L3MBTL4: variants seen among roughly 807,000 people sequenced by gnomAD.
L3MBTL4 encodes the protein lethal(3)malignant brain tumor-like protein 4.
L3MBTL4 carries 70 observed loss-of-function variants against 84.5 expected under a neutral mutation model. That is an observed-to-expected ratio of 0.83 (90% confidence interval 0.68 to 1.01). L3MBTL4 has a LOEUF of 1.01. L3MBTL4 is among the 50% of genes least tolerant of loss of function. The probability of loss-of-function intolerance (pLI) is 0.00; values close to 1 mark genes in which losing one functional copy is unlikely to be tolerated. For synonymous variants in L3MBTL4, 274 were observed against 259.8 expected (o/e 1.05, Z -0.52); for missense variants, 715 against 754.8 (o/e 0.95, Z 0.62).
At chr18:6,018,219 G>A (rs990646581) in intron 16 of L3MBTL4, among the ~76,000 whole-genome samples, 11 of 152,222 alleles carry the variant, frequency 7.2e-5, no homozygotes, top group Admixed American at 3.9e-4. Flanking sequence ...CTGGAAAGTC[G>A]AACCGAGGCT....
intron 13 of L3MBTL4, among the ~76,000 whole-genome samples, chr18:6,150,569 A>T (rs1012505788): frequency 7.2e-5 from 11 of 152,306 alleles, no homozygotes; most frequent in Admixed American, 7.2e-4. Flanking sequence ...AACTTGGCAG[A>T]ACTGCCAAGT....
chr18:6,159,312 A>G (rs2043224872), intron 13 of L3MBTL4, among the ~76,000 whole-genome samples: 1 of 152,186 alleles, frequency 6.6e-6, no homozygotes, highest in Non-Finnish European at 1.5e-5. Context: ...AAAAGTGCAT[A>G]TTGCAGGGTT....
chr18:6,404,486 T>G (rs1325648435), intron 1 of L3MBTL4, among the ~76,000 whole-genome samples: 1 of 152,180 alleles, frequency 6.6e-6, no homozygotes. Flanking sequence ...TTCTGCTCAA[T>G]TTCTTATTTT....
intron 16 of L3MBTL4, among the ~76,000 whole-genome samples, chr18:6,021,770 G>T (rs143297922): frequency 6.6e-6 from 1 of 151,998 alleles, no homozygotes; most frequent in Non-Finnish European, 1.5e-5. Flanking sequence ...CAGCGGGGTG[G>T]GGGGGTGGCG....
chr18:6,044,306 C>T (rs1289739933), intron 16 of L3MBTL4, among the ~76,000 whole-genome samples: 3 of 152,164 alleles, frequency 2.0e-5, no homozygotes, highest in Non-Finnish European at 4.4e-5. Context: ...GAAAACACGT[C>T]GATGATTCCT....
At chr18:6,263,279 A>G (rs868620053) in intron 5 of L3MBTL4, among the ~76,000 whole-genome samples, 4 of 152,122 alleles carry the variant, frequency 2.6e-5, no homozygotes, top group Middle Eastern at 3.4e-3. Flanking sequence ...CAAAAAAAAA[A>G]AAAAAGAAAA....
At chr18:6,297,379 T>A (rs900963613) in intron 4 of L3MBTL4, among the ~76,000 whole-genome samples, 2 of 152,208 alleles carry the variant, frequency 1.3e-5, no homozygotes, top group African/African-American at 4.8e-5. Context: ...GATATCTGAA[T>A]GAAGTCTATA....
intron 12 of L3MBTL4, among the ~76,000 whole-genome samples, chr18:6,185,615 C>A (rs2044689118): frequency 6.6e-6 from 1 of 152,162 alleles, no homozygotes; most frequent in South Asian, 2.1e-4. Flanking sequence ...CATAAACAGG[C>A]CTCTACTAAA....
intron 14 of L3MBTL4, among the ~76,000 whole-genome samples, chr18:6,118,171 A>ACTCTCT (rs144219677): frequency 7.1e-6 from 1 of 140,054 alleles, no homozygotes; most frequent in African/African-American, 2.8e-5. Flanking sequence ...ATGCAAACTC[A>ACTCTCT]CTCTCTCTCT....
chr18:6,243,616 C>T (rs1486552603), intron 6 of L3MBTL4, among the ~76,000 whole-genome samples, 187 bp from the exon 7 acceptor site: 1 of 151,992 alleles, frequency 6.6e-6, no homozygotes, highest in Non-Finnish European at 1.5e-5. Flanking sequence ...GAAATTAGAC[C>T]CTGTCTTACA....
chr18:6,216,533 G>T lies in L3MBTL4; in HGVS notation c.785-698C>A, dbSNP rs145850930. On this transcript the variant is annotated intron_variant, in intron 10 of 18. Coordinates refer to ENST00000317931, the MANE Select transcript of L3MBTL4 (RefSeq NM_001330559.2). ...TTCTTTTCTAATTATATTGTTTACT[G>T]CTTTTACTCTTATTACTTCCTCCCT... is the stretch of plus-strand genomic sequence containing the variant. Among the ~76,000 whole-genome samples, 529 of 151,224 alleles carry T rather than the reference G, an allele frequency of 3.5e-3. 6 individuals are homozygous for T. The highest frequency in any genetic ancestry group is 0.012 in the African/African-American group (512 of 41,244).
At position 5,969,499 on chromosome 18, in the gene L3MBTL4, G is replaced by T. The variant is rs779809285; in HGVS notation, c.1508C>A (p.Ala503Asp). 2 of 1,613,862 alleles carry T rather than the reference G, an allele frequency of 1.2e-6. No homozygotes were observed. The highest frequency in any genetic ancestry group is 2.2e-5 in the South Asian group (2 of 91,026). ...HQSVSMSTVS[A>D]HPFRDLPLGR... The stretch of plus-strand genomic sequence containing the variant: ...GAGGGGAAGGTCCCGAAAAGGGTGG[G>T]CTGACACCGTGGACATGGACACTGA... Residue 503 changes from alanine (A) to aspartate (D), a missense_variant, in exon 17 of 19, where the codon GCC becomes GAC. Ala to Asp is a moderately radical substitution (Grantham distance 126, BLOSUM62 -2). Transcript: ENST00000317931.
intron 1 of L3MBTL4, among the ~76,000 whole-genome samples, chr18:6,348,743 A>T (rs2053041252): frequency 6.6e-6 from 1 of 152,220 alleles, no homozygotes; most frequent in Non-Finnish European, 1.5e-5. Context: ...GTTCATTAAG[A>T]GGCTCCATTA....
intron 16 of L3MBTL4, among the ~76,000 whole-genome samples, chr18:6,009,400 C>T (rs1243270012): frequency 2.0e-5 from 3 of 152,158 alleles, no homozygotes; most frequent in African/African-American, 7.2e-5. Flanking sequence ...CTTGAATTTC[C>T]CTGTTTCCAC....
At chr18:6,374,560 G>A (rs1021743300) in intron 1 of L3MBTL4, 1 of 154,680 alleles carries the variant, frequency 6.5e-6, no homozygotes, top group Non-Finnish European at 1.5e-5. Flanking sequence ...AAATAAAGAA[G>A]CAAATGACCT....
intron 3 of L3MBTL4, among the ~76,000 whole-genome samples, chr18:6,308,490 G>A (rs2050690981): frequency 6.6e-6 from 1 of 152,110 alleles, no homozygotes; most frequent in African/African-American, 2.4e-5. Context: ...ATATGAATAA[G>A]AACATTGGAT....
chr18:6,343,570 G>A (rs151246282), intron 1 of L3MBTL4, among the ~76,000 whole-genome samples: 2 of 151,112 alleles, frequency 1.3e-5, no homozygotes, highest in East Asian at 2.0e-4. Context: ...GCTGAGGCAG[G>A]AGAATGGCGT....
chr18:6,167,900 A>G (rs1197846241), intron 13 of L3MBTL4, among the ~76,000 whole-genome samples: 1 of 152,246 alleles, frequency 6.6e-6, no homozygotes, highest in Non-Finnish European at 1.5e-5. Flanking sequence ...CTGTTTGCAG[A>G]TGACATGATT....
At chr18:6,181,626 G>A (rs1013178582) in intron 12 of L3MBTL4, among the ~76,000 whole-genome samples, 7 of 152,052 alleles carry the variant, frequency 4.6e-5, no homozygotes, top group South Asian at 4.1e-4. Context: ...CACCACACCC[G>A]GCCATGCTGG....
Sources: gnomAD v4.1 joint callset for allele counts (sites outside exome capture counted in the v4.1 genomes callset) on GRCh38, gnomAD v4.1.1 for gene constraint, MANE v1.5 for transcripts, NCBI Gene and HGNC (gene_info 2026-07-23, HGNC 2026-07-21) for gene names.